CCDC116: variants seen among roughly 807,000 people sequenced by gnomAD.
The protein encoded by CCDC116 is coiled-coil domain containing 116, also known as coiled-coil domain-containing protein 116.
In CCDC116, 24 loss-of-function variants were observed where a neutral mutation model predicts 29.4. The ratio of observed to expected loss-of-function variants is 0.82; its 90% CI spans 0.59 to 1.15. CCDC116 has a LOEUF of 1.15. Among genes scored for constraint, CCDC116 ranks in the 50% most tolerant of loss-of-function variants. The pLI, the probability that CCDC116 is intolerant of heterozygous loss-of-function variation, is 0.00. For synonymous variants in CCDC116, 298 were observed against 331.4 expected (o/e 0.90, Z 1.10); for missense variants, 791 against 804.0 (o/e 0.98, Z 0.20).
rs528261291 is a variant in CCDC116, at chr22:21,636,679, G to C, written c.1451G>C (p.Gly484Ala). 3 of 1,613,890 alleles carry C rather than the reference G, an allele frequency of 1.9e-6. No homozygotes were observed. The highest frequency in any genetic ancestry group is 1.1e-5 in the South Asian group (1 of 91,086). Reference protein sequence around the residue: ...DLSLGLKKVKGSRIHLSSETH... With the variant: ...DLSLGLKKVKASRIHLSSETH... ...TCCCTGGGCTTAAAGAAGGTAAAAGGCTCCCGCATCCACCTGTCCTCGGAG... is the reference window on the plus strand; with the variant it reads ...TCCCTGGGCTTAAAGAAGGTAAAAGCCTCCCGCATCCACCTGTCCTCGGAG... The change falls in exon 5 of 5, where the codon GGC becomes GCC. Residue 484 changes from glycine to alanine, a missense_variant. By Grantham distance (60) the Gly-to-Ala change is moderately conservative (BLOSUM62 0). Coordinates refer to ENST00000292779, the MANE Select transcript of CCDC116 (RefSeq NM_152612.3).
rs751784450 is a variant in CCDC116 at position 21,636,989 on chromosome 22, T to C, written c.1761T>C (p.Asp587=). The change falls in exon 5 of 5, where the codon GAT becomes GAC. Residue 587 remains aspartate (D), a synonymous_variant. Coordinates refer to ENST00000292779, the MANE Select transcript of CCDC116 (RefSeq NM_152612.3). ...KSKDMDNEGR[D]KAEIEDEDED... The stretch of plus-strand genomic sequence containing the variant: ...AGGACATGGACAATGAGGGCCGTGA[T>C]AAAGCCGAGATTGAAGATGAAGATG... The C allele has an allele frequency of 6.2e-6, 10 of 1,613,538 alleles. No individual in the cohort carries two copies. The Admixed American group carries it at 1.7e-4, about 27-fold the overall frequency.
rs1284506778 is a variant in CCDC116, at chr22:21,634,022, G to A, written c.73G>A (p.Val25Met). 1.2e-6 allele frequency: 2 copies of A among 1,601,070 alleles called. No homozygotes were observed. The highest frequency in any genetic ancestry group is 8.5e-7 in the Non-Finnish European group (1 of 1,173,434). The change falls in exon 3 of 5, where the codon GTG (valine) becomes ATG (methionine). Residue 25 changes from valine to methionine, a missense_variant and splice_region_variant. Val to Met is a conservative substitution (Grantham distance 21). Transcript: ENST00000292779. ...EASHSMCSAR[V>M]QLPKKPLVPE... ...CCCTGTGACATACCTGTCTGCTCAG[G>A]TGCAGCTGCCCAAGAAGCCACTGGT...
At chr22:21,635,757 AC>A in intron 4 of CCDC116, 1 of 596,030 alleles carries the variant, frequency 1.7e-6, no homozygotes, top group South Asian at 2.0e-5. Context: ...CCTAGCTATT[AC>A]CAGGTGTTGT....
chr22:21,634,208 G>A lies in CCDC116; in HGVS notation c.259G>A (p.Glu87Lys), dbSNP rs1215122110. Residue 87 changes from glutamate (E) to lysine (K), a missense_variant, in exon 3 of 5, where the codon GAG (glutamate) becomes AAG (lysine). Transcript: ENST00000292779. ...LTESQVLDSL[E>K]TVVEKATERM... ...TGAGAGCCAGGTCCTGGACAGCCTG[G>A]AGACAGTGGTGGAGAAGGCGACTGA... 5 of 1,614,142 alleles carry A rather than the reference G, an allele frequency of 3.1e-6. No individual in the cohort carries two copies. Among genetic ancestry groups the A allele is most frequent in the Non-Finnish European group, 3.4e-6 (4 of 1,180,062 alleles).
chr22:21,635,371 C>A (rs1334320889), intron 4 of CCDC116, 105 bp downstream of exon 4: 2 of 1,038,522 alleles, frequency 1.9e-6, no homozygotes, highest in Admixed American at 2.0e-5. Context: ...TTTCCCTGAG[C>A]TCCAGCCAGA....
Position 21,633,176 on chromosome 22 carries a change from G to T in CCDC116, c.-6G>T. On this transcript the variant is annotated 5_prime_UTR_variant, in exon 2 of 5. Coordinates refer to ENST00000292779, the MANE Select transcript of CCDC116 (RefSeq NM_152612.3). Reference sequence around the variant, plus strand: ...CAGCAGGCCCGGTCACCTGCCAGGTGACCACATGGCCAGGTGCCGCCACCA... The same window carrying T: ...CAGCAGGCCCGGTCACCTGCCAGGTTACCACATGGCCAGGTGCCGCCACCA... 1 of 1,550,608 alleles carries T rather than the reference G, an allele frequency of 6.4e-7. No homozygotes were observed. The highest frequency in any genetic ancestry group is 1.2e-5 in the South Asian group (1 of 84,020).
chr22:21,633,169 G>T lies in CCDC116; in HGVS notation c.-13G>T, dbSNP rs1034010266. The T allele has an allele frequency of 3.7e-5, 58 of 1,550,252 alleles. No individual in the cohort carries two copies. The highest frequency in any genetic ancestry group is 4.4e-5 in the Non-Finnish European group (51 of 1,146,588). ...AGGTGGGCAGCAGGCCCGGTCACCT[G>T]CCAGGTGACCACATGGCCAGGTGCC... On this transcript the variant is annotated 5_prime_UTR_variant, in exon 2 of 5. Transcript: ENST00000292779.
intron 3 of CCDC116, 52 bp from the exon 4 acceptor site, chr22:21,634,633 G>T: frequency 6.4e-7 from 1 of 1,568,598 alleles, no homozygotes; most frequent in Admixed American, 1.8e-5. Context: ...GCTAGGGTCA[G>T]CCCTGGCTTG....
In CCDC116 at chr22:21,634,147, C is replaced by G; in HGVS notation, c.198C>G (p.His66Gln). Residue 66 changes from histidine to glutamine, a missense_variant, in exon 3 of 5, where the codon CAC becomes CAG. By Grantham distance (24) the His-to-Gln change is conservative. Coordinates refer to ENST00000292779, the MANE Select transcript of CCDC116 (RefSeq NM_152612.3). Reference sequence around the variant, plus strand: ...AGGGCCAACGCCGAAACAAGAGGCACCCTCAGCCCTTTGGCCACTTTCTGG... The same window carrying G: ...AGGGCCAACGCCGAAACAAGAGGCAGCCTCAGCCCTTTGGCCACTTTCTGG... ...ALQGQRRNKR[H>Q]PQPFGHFLDF... is the part of the protein sequence containing the mutation. The G allele has an allele frequency of 5.6e-6, 9 of 1,614,264 alleles. No individual in the cohort carries two copies. Among genetic ancestry groups the G allele is most frequent in the Non-Finnish European group, 7.6e-6 (9 of 1,180,038 alleles).
Position 21,636,872 on chromosome 22 carries a change from C to T in CCDC116, c.1644C>T (p.Thr548=). 6.2e-7 allele frequency: 1 copy of T among 1,613,724 alleles called. No individual in the cohort carries two copies. Among genetic ancestry groups the T allele is most frequent in the Non-Finnish European group, 8.5e-7 (1 of 1,180,042 alleles). ...QATEPCRSLY[T]NLPASRQLSP... ...CAGAGCCCTGCCGCTCCCTCTACAC[C>T]AACTTGCCAGCCAGCCGGCAGCTCA... The change falls in exon 5 of 5, where the codon ACC becomes ACT. Residue 548 remains threonine (T), a synonymous_variant. Transcript: ENST00000292779.
Position 21,636,726 on chromosome 22 carries a change from C to A in CCDC116, c.1498C>A (p.Arg500Ser). ...GGAGACCCACCGGAGCTGCCTGCTG[C>A]GTAAACTGGAGGAGTCCAAAAGGGC... Reference protein sequence around the residue: ...SSETHRSCLLRKLEESKRARQ... With the variant: ...SSETHRSCLLSKLEESKRARQ... The change falls in exon 5 of 5, where the codon CGT becomes AGT. Residue 500 changes from arginine to serine, a missense_variant. Coordinates refer to ENST00000292779, the MANE Select transcript of CCDC116 (RefSeq NM_152612.3). 6.2e-7 allele frequency: 1 copy of A among 1,613,356 alleles called. No homozygotes were observed. Among genetic ancestry groups the A allele is most frequent in the Non-Finnish European group, 8.5e-7 (1 of 1,180,016 alleles).
At position 21,634,571 on chromosome 22, in the gene CCDC116, G is replaced by C. The variant is rs772650749; in HGVS notation, c.621+1G>C. 6 of 1,594,750 alleles carry C rather than the reference G, an allele frequency of 3.8e-6. No individual in the cohort carries two copies. Among genetic ancestry groups the C allele is most frequent in the Non-Finnish European group, 4.3e-6 (5 of 1,168,240 alleles). ...GCTGCTACAGCTGGAGAGGGAAGGG[G>C]TGAGAGCCAGGGCCATGGCTGGGTG... On this transcript the variant is annotated splice_donor_variant, in intron 3 of 4. Transcript: ENST00000292779. LOFTEE classifies it high-confidence loss of function.
chr22:21,637,291 A>C lies in CCDC116; in HGVS notation c.*221A>C. The C allele has an allele frequency of 6.1e-6, 3 of 491,002 alleles. No individual in the cohort carries two copies. Among genetic ancestry groups the C allele is most frequent in the East Asian group, 3.7e-5 (1 of 26,736 alleles). 30.4% of individuals were successfully genotyped at this position (491,002 alleles called of 1,614,324 possible). ...GGAGCCAGTGAAAGAAATAGAAATA[A>C]AGCCTGTGTTGCTGGGACACAGGTT... On this transcript the variant is annotated 3_prime_UTR_variant, in exon 5 of 5. Coordinates refer to ENST00000292779, the MANE Select transcript of CCDC116 (RefSeq NM_152612.3).
Position 21,634,703 on chromosome 22 carries a change from TG to T in CCDC116, c.641del (p.Cys214SerfsTer67). ...EREGKGLSQS[C>X]SQRDSLLWDS... ...TCTGCAGAAAGGCCTCAGTCAGTCC[TG>T]CTCCCAGAGGGACTCCCTGCTGTGG... On this transcript the variant is annotated frameshift_variant, in exon 4 of 5. Transcript: ENST00000292779. LOFTEE classifies it high-confidence loss of function. The T allele has an allele frequency of 6.2e-6, 10 of 1,608,286 alleles. No homozygotes were observed. The highest frequency in any genetic ancestry group is 8.5e-6 in the Non-Finnish European group (10 of 1,176,174).
At position 21,634,528 on chromosome 22, in the gene CCDC116, G is replaced by A; in HGVS notation, c.579G>A (p.Leu193=). The A allele has an allele frequency of 6.2e-7, 1 of 1,611,298 alleles. No homozygotes were observed. Among genetic ancestry groups the A allele is most frequent in the South Asian group, 1.1e-5 (1 of 91,004 alleles). ...SLPPVRDKLL[L]EKNLKRLLQL... is the part of the protein sequence containing the mutation. ...CACCTGTGAGGGACAAACTCCTGCT[G>A]GAGAAGAACCTCAAGCGGCTGCTAC... Residue 193 remains leucine (L), a synonymous_variant, in exon 3 of 5, where the codon CTG becomes CTA. Transcript: ENST00000292779.
chr22:21,636,002 G>A (rs1444736462), intron 4 of CCDC116, among the ~76,000 whole-genome samples: 2 of 152,216 alleles, frequency 1.3e-5, no homozygotes, highest in African/African-American at 4.8e-5. Flanking sequence ...ATGTGTACAA[G>A]ACGTAGGTGG....
In CCDC116 at chr22:21,634,865, C is replaced by T. The variant is rs28513567; in HGVS notation, c.802C>T (p.Arg268Cys). The change falls in exon 4 of 5, where the codon CGC (arginine) becomes TGC (cysteine). Residue 268 changes from arginine (R) to cysteine (C), a missense_variant. Coordinates refer to ENST00000292779, the MANE Select transcript of CCDC116 (RefSeq NM_152612.3). The stretch of plus-strand genomic sequence containing the variant: ...GCCTGGAGAACAGGAGCCAATCTTC[C>T]GCAAGCGAGAGTTCAATAAGGAGAT... The part of the protein sequence containing the change: ...PRPGEQEPIF[R>C]KREFNKEIKS... 9,956 of 1,613,950 alleles carry T rather than the reference C, an allele frequency of 6.2e-3. 488 individuals carry two copies. The African/African-American group carries it at 0.11, about 18-fold the overall frequency.
rs1477038637 is a variant in CCDC116, at chr22:21,634,953, C to T, written c.890C>T (p.Pro297Leu). Reference sequence around the variant, plus strand: ...CCTGGCTACTGTCCGCTCCGTGAGCCCCATCGCACGCTGAACTTCCTGGCT... The same window carrying T: ...CCTGGCTACTGTCCGCTCCGTGAGCTCCATCGCACGCTGAACTTCCTGGCT... The part of the protein sequence containing the change: ...DLPGYCPLRE[P>L]HRTLNFLADH... Residue 297 changes from proline (P) to leucine (L), a missense_variant, in exon 4 of 5, where the codon CCC (proline) becomes CTC (leucine). Transcript: ENST00000292779. 1.2e-6 allele frequency: 2 copies of T among 1,613,302 alleles called. No homozygotes were observed. The highest frequency in any genetic ancestry group is 2.7e-5 in the African/African-American group (2 of 74,916).
rs760472452 is a variant in CCDC116 at position 21,634,347 on chromosome 22, T to C, written c.398T>C (p.Val133Ala). The stretch of plus-strand genomic sequence containing the variant: ...CATGCCCGGCCCAGCCTCAGCACCG[T>C]ACACCGGCACCGTGTACGGCCGACC... Reference protein sequence around the residue: ...RAHARPSLSTVHRHRVRPTLC... With the variant: ...RAHARPSLSTAHRHRVRPTLC... Residue 133 changes from valine (V) to alanine (A), a missense_variant, in exon 3 of 5, where the codon GTA (valine) becomes GCA (alanine). Coordinates refer to ENST00000292779, the MANE Select transcript of CCDC116 (RefSeq NM_152612.3). 2 of 1,612,572 alleles carry C rather than the reference T, an allele frequency of 1.2e-6. No homozygotes were observed. Among genetic ancestry groups the C allele is most frequent in the African/African-American group, 1.3e-5 (1 of 74,906 alleles).
Sources: allele counts gnomAD v4.1 joint callset (sites outside exome capture counted in the v4.1 genomes callset), GRCh38; gene constraint gnomAD v4.1.1; transcripts MANE v1.5; gene names NCBI Gene and HGNC (gene_info 2026-07-23, HGNC 2026-07-21).